The following FHIT variants were observed in gnomAD, a reference collection of about 807,000 sequenced individuals.
FHIT encodes bis(5'-adenosyl)-triphosphatase.
Under a neutral mutation model 17.9 loss-of-function variants are expected in FHIT, and 19 were observed. The ratio of observed to expected loss-of-function variants is 1.06; its 90% CI spans 0.74 to 1.56. FHIT has a LOEUF of 1.56. Ranked by LOEUF, FHIT falls within the 40% of genes most tolerant of loss-of-function variation. The probability of loss-of-function intolerance (pLI) is 0.00; values close to 1 mark genes in which losing one functional copy is unlikely to be tolerated. For missense variants in FHIT, 248 were observed against 189.2 expected (o/e 1.31, Z -1.82); for synonymous variants, 81 against 69.7 (o/e 1.16, Z -0.81).
At chr3:60,968,952 T>C (rs1426691540) in intron 3 of FHIT, among the ~76,000 whole-genome samples, 2 of 152,142 alleles carry the variant, frequency 1.3e-5, no homozygotes, top group Non-Finnish European at 2.9e-5. Context: ...TTTTTATATA[T>C]CACTGGATTT....
intron 3 of FHIT, among the ~76,000 whole-genome samples, chr3:60,961,883 T>G (rs1030196396): frequency 6.6e-6 from 1 of 152,206 alleles, no homozygotes; most frequent in Non-Finnish European, 1.5e-5. Context: ...GCTTTGTTCT[T>G]TTGGCTTAGG....
intron 3 of FHIT, among the ~76,000 whole-genome samples, chr3:60,956,064 G>C (rs1278655230): frequency 6.6e-6 from 1 of 152,126 alleles, no homozygotes; most frequent in Non-Finnish European, 1.5e-5. Flanking sequence ...AACTAGAATA[G>C]TCCAAAGGTT....
intron 5 of FHIT, among the ~76,000 whole-genome samples, chr3:60,130,984 CATAT>C (rs1453774563): frequency 1.1e-5 from 1 of 90,084 alleles, no homozygotes; most frequent in Non-Finnish European, 2.6e-5. Context: ...TATATATACA[CATAT>C]ATACACATAT....
At chr3:60,176,777 T>C (rs1701692103) in intron 5 of FHIT, among the ~76,000 whole-genome samples, 1 of 152,172 alleles carries the variant, frequency 6.6e-6, no homozygotes, top group Non-Finnish European at 1.5e-5. Context: ...GCTGGTTTAA[T>C]GAAAAGAGCT....
chr3:60,376,960 T>C (rs1234794305), intron 5 of FHIT, among the ~76,000 whole-genome samples: 1 of 152,222 alleles, frequency 6.6e-6, no homozygotes, highest in Non-Finnish European at 1.5e-5. Flanking sequence ...ATTGTTTGGC[T>C]GATTTGTTCA....
At chr3:60,099,722 A>AT (rs1255097122) in intron 5 of FHIT, among the ~76,000 whole-genome samples, 2 of 151,986 alleles carry the variant, frequency 1.3e-5, no homozygotes, top group Non-Finnish European at 2.9e-5. Flanking sequence ...TTCATCTCAA[A>AT]TTTTTTTGAC....
chr3:60,860,709 A>AT (rs1491280044), intron 3 of FHIT, among the ~76,000 whole-genome samples: 1 of 54,316 alleles, frequency 1.8e-5, no homozygotes, highest in Non-Finnish European at 3.5e-5. Context: ...GTACATATGT[A>AT]CATATATATC....
intron 4 of FHIT, among the ~76,000 whole-genome samples, chr3:60,566,348 C>G (rs188425900): frequency 1.1e-4 from 16 of 151,904 alleles, no homozygotes; most frequent in Non-Finnish European, 2.2e-4. Flanking sequence ...ACAGAACCAA[C>G]GACAAAAACC....
At chr3:60,352,418 C>G (rs932217772) in intron 5 of FHIT, among the ~76,000 whole-genome samples, 1 of 152,128 alleles carries the variant, frequency 6.6e-6, no homozygotes, top group Non-Finnish European at 1.5e-5. Context: ...ATGTCAAATT[C>G]TTTCATATCT....
At chr3:61,228,814 G>C (rs2040030065) in intron 1 of FHIT, among the ~76,000 whole-genome samples, 1 of 152,162 alleles carries the variant, frequency 6.6e-6, no homozygotes, top group Non-Finnish European at 1.5e-5. Flanking sequence ...GAAAAGCAAT[G>C]GGAGACAGCA....
chr3:60,394,123 G>T (rs1434738538), intron 5 of FHIT, among the ~76,000 whole-genome samples: 1 of 152,116 alleles, frequency 6.6e-6, no homozygotes, highest in Non-Finnish European at 1.5e-5. Context: ...GTAAGATAGA[G>T]TAAAACACTG....
At chr3:61,208,492 G>A (rs944245189) in intron 1 of FHIT, among the ~76,000 whole-genome samples, 1 of 152,038 alleles carries the variant, frequency 6.6e-6, no homozygotes, top group African/African-American at 2.4e-5. Context: ...ATGAATCTGG[G>A]TGCTCCTGTA....
chr3:61,138,203 A>C (rs894611520), intron 2 of FHIT, among the ~76,000 whole-genome samples: 3 of 152,230 alleles, frequency 2.0e-5, no homozygotes, highest in Non-Finnish European at 4.4e-5. Flanking sequence ...AATATGTCTT[A>C]GTCCAAGACC....
rs538457579 is a variant in FHIT at position 60,691,063 on chromosome 3, A to ATAAAACCCTTTTCAT, written c.-18+130841_-18+130855dup. On this transcript the variant is annotated intron_variant, in intron 4 of 9. Transcript: ENST00000492590. ...TAAAAAATTACCAAGTTGAAATGATATAAAACCCTTTTCATTAATGTTGCC... is the reference window on the plus strand; with the variant it reads ...TAAAAAATTACCAAGTTGAAATGATATAAAACCCTTTTCATTAAAACCCTTTTCATTAATGTTGCC... Among the ~76,000 whole-genome samples the ATAAAACCCTTTTCAT allele has an allele frequency of 2.0e-4, 30 of 152,306 alleles. 1 individual carries two copies. In the East Asian group the frequency reaches 5.8e-3, roughly 29 times the overall value.
intron 5 of FHIT, among the ~76,000 whole-genome samples, chr3:60,161,528 T>C (rs544784141): frequency 1.3e-5 from 2 of 152,180 alleles, no homozygotes; most frequent in Admixed American, 1.3e-4. Context: ...TGTGACTTAG[T>C]CATCAAGAAA....
chr3:60,260,306 T>C (rs1706224774), intron 5 of FHIT, among the ~76,000 whole-genome samples: 1 of 151,522 alleles, frequency 6.6e-6, no homozygotes, highest in Non-Finnish European at 1.5e-5. Flanking sequence ...AAAGCCTCAG[T>C]TACTGGATTC....
intron 5 of FHIT, among the ~76,000 whole-genome samples, chr3:60,297,830 G>T (rs1392185518): frequency 2.0e-5 from 3 of 152,062 alleles, no homozygotes; most frequent in Admixed American, 6.6e-5. Flanking sequence ...CAGAGATATT[G>T]TCAGATCCAA....
chr3:60,264,319 G>C (rs1299578232), intron 5 of FHIT, among the ~76,000 whole-genome samples: 1 of 152,032 alleles, frequency 6.6e-6, no homozygotes, highest in East Asian at 1.9e-4. Flanking sequence ...AAAGGATTTT[G>C]AATACATTTA....
chr3:60,425,576 G>A (rs1261994523), intron 5 of FHIT, among the ~76,000 whole-genome samples: 1 of 152,028 alleles, frequency 6.6e-6, no homozygotes, highest in Non-Finnish European at 1.5e-5. Flanking sequence ...AACCCAAAGG[G>A]CCAACAGGGA....
Sources: gnomAD v4.1 joint callset for allele counts (sites outside exome capture counted in the v4.1 genomes callset) on GRCh38, gnomAD v4.1.1 for gene constraint, MANE v1.5 for transcripts, NCBI Gene and HGNC (gene_info 2026-07-23, HGNC 2026-07-21) for gene names.